Variants in TMEM52B observed in about 807,000 individuals in gnomAD.
TMEM52B encodes transmembrane protein 52B.
TMEM52B carries 11 observed loss-of-function variants against 16.1 expected under a neutral mutation model. That is an observed-to-expected ratio of 0.68 (90% confidence interval 0.43 to 1.13). TMEM52B has a LOEUF of 1.13. Ranked by LOEUF, TMEM52B falls within the 50% of genes most tolerant of loss-of-function variation. TMEM52B has a pLI of 0.00. For missense variants in TMEM52B, 243 were observed against 230.4 expected (o/e 1.05, Z -0.35); for synonymous variants, 101 against 93.8 (o/e 1.08, Z -0.45).
intron 1 of TMEM52B, among the ~76,000 whole-genome samples, chr12:10,180,499 C>T (rs562094665): frequency 6.6e-6 from 1 of 152,096 alleles, no homozygotes; most frequent in Non-Finnish European, 1.5e-5. Flanking sequence ...ACCATGGTTG[C>T]GTAGAGGAAA....
chr12:10,186,953 A>G (rs1235641571), intron 4 of TMEM52B, among the ~76,000 whole-genome samples: 6 of 152,074 alleles, frequency 3.9e-5, no homozygotes, highest in Non-Finnish European at 7.4e-5. Flanking sequence ...TATCTATACT[A>G]TTTTATATTT....
At position 10,190,220 on chromosome 12, in the gene TMEM52B, T is replaced by G; in HGVS notation, c.*80T>G. The G allele has an allele frequency of 1.3e-6, 2 of 1,573,408 alleles. No individual in the cohort carries two copies. Among genetic ancestry groups the G allele is most frequent in the Non-Finnish European group, 1.7e-6 (2 of 1,153,768 alleles). On this transcript the variant is annotated 3_prime_UTR_variant, in exon 5 of 5. Transcript: ENST00000543484. ...AATGGAACACATACTTTTCTAACCC[T>G]CAGAAGTTTTAAGATGGCATCTAAC...
chr12:10,174,536 A>C (rs1948752017), upstream of TMEM52B, among the ~76,000 whole-genome samples: 1 of 152,156 alleles, frequency 6.6e-6, no homozygotes, highest in South Asian at 2.1e-4. Context: ...ATAAGAAAGA[A>C]TCCCCCAGCT....
chr12:10,178,785 C>T (rs763911318), upstream of TMEM52B, among the ~76,000 whole-genome samples: 2 of 152,082 alleles, frequency 1.3e-5, no homozygotes, highest in Non-Finnish European at 2.9e-5. Flanking sequence ...GAAGTGAAGT[C>T]AGGGAGGAGG....
At chr12:10,189,510 G>A (rs1211413392) in intron 4 of TMEM52B, among the ~76,000 whole-genome samples, 1 of 151,642 alleles carries the variant, frequency 6.6e-6, no homozygotes, top group Non-Finnish European at 1.5e-5. Flanking sequence ...TGTAATCCCA[G>A]CTACTTGGGA....
At chr12:10,182,233 C>G in intron 1 of TMEM52B, 1 of 985,020 alleles carries the variant, frequency 1.0e-6, no homozygotes, top group South Asian at 4.7e-5. Context: ...GGCAATATCC[C>G]AAGGGACAGA....
chr12:10,179,765 T>C (rs1948801352), intron 1 of TMEM52B, 137 bp downstream of exon 1: 1 of 958,364 alleles, frequency 1.0e-6, no homozygotes. Context: ...ATGAATAAAC[T>C]ACAAAGTTTC....
At chr12:10,173,040 A>T (rs1418854855) in intron 1 of TMEM52B, among the ~76,000 whole-genome samples, 1 of 152,210 alleles carries the variant, frequency 6.6e-6, no homozygotes, top group Admixed American at 6.5e-5. Flanking sequence ...AATAAATAAT[A>T]ATTATTAGTA....
At chr12:10,173,249 G>C (rs981375141) in intron 1 of TMEM52B, among the ~76,000 whole-genome samples, 1 of 152,028 alleles carries the variant, frequency 6.6e-6, no homozygotes, top group African/African-American at 2.4e-5. Flanking sequence ...TCTTCTGAAG[G>C]AAGTATTTAT....
upstream of TMEM52B, among the ~76,000 whole-genome samples, chr12:10,174,620 C>T (rs575883442): frequency 2.0e-5 from 3 of 152,294 alleles, no homozygotes; most frequent in Admixed American, 2.0e-4. Context: ...GCCCACACTC[C>T]AGATTTTAAA....
chr12:10,179,775 C>G, intron 1 of TMEM52B, 147 bp downstream of exon 1: 1 of 870,904 alleles, frequency 1.1e-6, no homozygotes, highest in Non-Finnish European at 1.8e-6. Context: ...TACAAAGTTT[C>G]CTTAGTATTA....
rs1948936409 is a variant in TMEM52B at position 10,189,890 on chromosome 12, T to C, written c.308-6T>C. The C allele has an allele frequency of 1.2e-6, 2 of 1,613,348 alleles. No individual in the cohort carries two copies. Among genetic ancestry groups the C allele is most frequent in the Non-Finnish European group, 1.7e-6 (2 of 1,179,914 alleles). Reference sequence around the variant, plus strand: ...TTTCTTAGCTCTGTTCCTTCTTTCTTCACAGCTCTGCAGTCGGTGTTTGGC... The same window carrying C: ...TTTCTTAGCTCTGTTCCTTCTTTCTCCACAGCTCTGCAGTCGGTGTTTGGC... On this transcript the variant is annotated splice_region_variant and splice_polypyrimidine_tract_variant and intron_variant, in intron 4 of 4. Coordinates refer to ENST00000543484, the MANE Select transcript of TMEM52B (RefSeq NM_001384896.1).
chr12:10,182,435 C>A, intron 1 of TMEM52B, 115 bp from the exon 2 acceptor site: 2 of 1,415,400 alleles, frequency 1.4e-6, no homozygotes, highest in Middle Eastern at 1.9e-4. Flanking sequence ...CCCCTATGAC[C>A]GTGACCTTCT....
intron 3 of TMEM52B, among the ~76,000 whole-genome samples, chr12:10,185,605 T>A (rs985219017): frequency 6.6e-6 from 1 of 152,138 alleles, no homozygotes; most frequent in South Asian, 2.1e-4. Flanking sequence ...ATTACTTTAG[T>A]GAATTAAAAA....
intron 1 of TMEM52B, chr12:10,171,925 C>T: frequency 9.2e-7 from 1 of 1,087,068 alleles, no homozygotes; most frequent in South Asian, 1.3e-5. Flanking sequence ...GCTTTCTAAT[C>T]CCATTCTTCG....
intron 4 of TMEM52B, among the ~76,000 whole-genome samples, chr12:10,189,130 G>A (rs1011317188): frequency 5.3e-5 from 8 of 150,972 alleles, no homozygotes; most frequent in African/African-American, 1.5e-4. Context: ...TTGAACCTGG[G>A]AGGTGGAGGT....
chr12:10,177,218 C>T (rs2537778), upstream of TMEM52B, among the ~76,000 whole-genome samples: 80,800 of 151,902 alleles, frequency 0.53, 22,349 homozygotes, highest in Middle Eastern at 0.71. Flanking sequence ...TGGAAATCAC[C>T]CTTCATCCTA....
chr12:10,184,549 T>C (rs1320096460), intron 2 of TMEM52B, among the ~76,000 whole-genome samples: 4 of 152,114 alleles, frequency 2.6e-5, no homozygotes, highest in African/African-American at 9.7e-5. Context: ...TGCTGGAAGA[T>C]TGCTTGCCTG....
chr12:10,189,049 A>AAAAAAAAC (rs1948922408), intron 4 of TMEM52B, among the ~76,000 whole-genome samples: 1 of 119,990 alleles, frequency 8.3e-6, no homozygotes, highest in Non-Finnish European at 1.7e-5. Context: ...AAAAAAAAAA[A>AAAAAAAAC]AATTAGCCAG....
Sources: gnomAD v4.1 joint callset for allele counts (sites outside exome capture counted in the v4.1 genomes callset) on GRCh38, gnomAD v4.1.1 for gene constraint, MANE v1.5 for transcripts, NCBI Gene and HGNC (gene_info 2026-07-23, HGNC 2026-07-21) for gene names.